The following PHIP variants were observed in gnomAD, a reference collection of about 807,000 sequenced individuals.
PHIP encodes PHIP subunit of CUL4-Ring ligase complex.
Under a neutral mutation model 236.8 loss-of-function variants are expected in PHIP, and 54 were observed. The observed-to-expected ratio is 0.23, with a 90% CI of 0.18 to 0.29. The LOEUF is 0.29. Ranked by LOEUF, PHIP falls within the 10% of genes least tolerant of loss-of-function variation. The probability of loss-of-function intolerance (pLI) is 1.00; values close to 1 mark genes in which losing one functional copy is unlikely to be tolerated. For missense variants in PHIP, 1,370 were observed against 2,190.8 expected, an observed-to-expected ratio of 0.63 and a Z score of 7.48; for synonymous variants, 756 against 718.9, an observed-to-expected ratio of 1.05 and a Z score of -0.83.
At chr6:79,023,412 C>T (rs917053410) in intron 9 of PHIP, among the ~76,000 whole-genome samples, 1 of 151,998 alleles carries the variant, frequency 6.6e-6, no homozygotes, top group African/African-American at 2.4e-5. Context: ...AGTACTCATT[C>T]TTATGCCTGA....
At chr6:79,066,907 AAGGG>A (rs1304245445) in intron 4 of PHIP, among the ~76,000 whole-genome samples, 1 of 152,008 alleles carries the variant, frequency 6.6e-6, no homozygotes, top group African/African-American at 2.4e-5. Context: ...TTTGTTTTTT[AAGGG>A]GGCAGGGGGA....
chr6:78,974,655 A>T (rs957507378), intron 24 of PHIP, among the ~76,000 whole-genome samples: 1 of 152,196 alleles, frequency 6.6e-6, no homozygotes, highest in Non-Finnish European at 1.5e-5. Context: ...AAAAAAGAAG[A>T]ATCAAATAGA....
chr6:79,068,977 AAGTC>A (rs1287942629), intron 4 of PHIP, among the ~76,000 whole-genome samples: 17 of 151,904 alleles, frequency 1.1e-4, no homozygotes, highest in Non-Finnish European at 2.5e-4. Context: ...GGTTCTAAAA[AAGTC>A]AGTTTTTCAG....
chr6:78,970,257 C>G (rs1767440209), intron 25 of PHIP, 84 bp from the exon 26 acceptor site: 3 of 1,218,368 alleles, frequency 2.5e-6, no homozygotes, highest in Non-Finnish European at 3.5e-6. Context: ...GAAAAAACTT[C>G]TTGGTTTAAA....
chr6:79,025,637 GA>G lies in PHIP; in HGVS notation c.823-19del. ...GGTGAGAACTGAAAAGACAATCACAGAAAAAAAATCTTTACAAGAGTGACAC... is the reference window on the plus strand; with the variant it reads ...GGTGAGAACTGAAAAGACAATCACAGAAAAAAATCTTTACAAGAGTGACAC... On this transcript the variant is annotated intron_variant, in intron 8 of 39. Transcript: ENST00000275034. 2.0e-6 allele frequency: 3 copies of G among 1,484,486 alleles called. No individual in the cohort carries two copies. The highest frequency in any genetic ancestry group is 1.4e-5 in the African/African-American group (1 of 71,200). The allele number at this position is 1,484,486 out of a possible 1,614,324, so 92.0% of individuals were successfully genotyped here.
At chr6:79,051,951 C>T (rs945015788) in intron 6 of PHIP, among the ~76,000 whole-genome samples, 2 of 151,668 alleles carry the variant, frequency 1.3e-5, no homozygotes, top group Non-Finnish European at 2.9e-5. Context: ...TTTAATCACT[C>T]AATTTTGAGT....
At chr6:79,024,588 A>G (rs893300304) in intron 9 of PHIP, among the ~76,000 whole-genome samples, 16 of 152,106 alleles carry the variant, frequency 1.1e-4, no homozygotes, top group African/African-American at 2.9e-4. Context: ...GCGGATCACG[A>G]GGTCAGGAGA....
intron 4 of PHIP, among the ~76,000 whole-genome samples, chr6:79,065,025 C>A (rs1773557530): frequency 6.6e-6 from 1 of 152,174 alleles, no homozygotes; most frequent in Non-Finnish European, 1.5e-5. Flanking sequence ...CAAGGAGCTG[C>A]ATTTTGCACA....
Position 78,946,005 on chromosome 6 carries a change from T to C in PHIP, c.4626A>G (p.Lys1542=). 6.2e-7 allele frequency: 1 copy of C among 1,602,434 alleles called. No homozygotes were observed. The highest frequency in any genetic ancestry group is 8.5e-7 in the Non-Finnish European group (1 of 1,169,990). ...AATTTAGAAAGTGAGTCTTACTTGT[T>C]TTCCCTGGTATTGCAGATGCATTAG... is the stretch of plus-strand genomic sequence containing the variant. The part of the protein sequence containing the change: ...TKANASAIPG[K]TILENSVKHS... The change falls in exon 38 of 40, where the codon AAA becomes AAG. Residue 1542 remains lysine, a synonymous_variant. Coordinates refer to ENST00000275034, the MANE Select transcript of PHIP (RefSeq NM_017934.7).
chr6:78,992,768 C>A (rs551201850), intron 19 of PHIP, among the ~76,000 whole-genome samples: 2 of 152,250 alleles, frequency 1.3e-5, no homozygotes, highest in Admixed American at 1.3e-4. Context: ...TAGCCATTGC[C>A]CCATCTTCTC....
intron 7 of PHIP, among the ~76,000 whole-genome samples, chr6:79,036,325 G>A (rs985092212): frequency 1.3e-5 from 2 of 151,946 alleles, no homozygotes; most frequent in African/African-American, 4.8e-5. Flanking sequence ...ATCTCCTCTC[G>A]TATCTTCAAA....
At chr6:78,987,433 T>C (rs1768939413) in intron 21 of PHIP, among the ~76,000 whole-genome samples, 1 of 152,086 alleles carries the variant, frequency 6.6e-6, no homozygotes, top group Non-Finnish European at 1.5e-5. Context: ...CTAACTTAAA[T>C]TGTGGTTAGA....
chr6:79,030,916 T>C (rs1771640321), intron 7 of PHIP, among the ~76,000 whole-genome samples: 1 of 151,964 alleles, frequency 6.6e-6, no homozygotes, highest in South Asian at 2.1e-4. Context: ...ATCACTTGTT[T>C]CATTTTTCTT....
At chr6:79,032,758 G>A (rs879281236) in intron 7 of PHIP, among the ~76,000 whole-genome samples, 2 of 151,360 alleles carry the variant, frequency 1.3e-5, no homozygotes, top group African/African-American at 4.9e-5. Context: ...CAAGAATCAC[G>A]AATGTTCTTA....
In PHIP at chr6:79,077,496, C is replaced by G; in HGVS notation, c.141G>C (p.Arg47=). The change falls in exon 4 of 40, where the codon CGG becomes CGC. Residue 47 remains arginine (R), a synonymous_variant. Transcript: ENST00000275034. ...REVAEKELLP[R]RTDWTGKEHP... Reference sequence around the variant, plus strand: ...GCTCCTTCCCGGTCCAGTCGGTGCGCCGGGGCAGCAGCTGCGGGGAGAGGA... The same window carrying G: ...GCTCCTTCCCGGTCCAGTCGGTGCGGCGGGGCAGCAGCTGCGGGGAGAGGA... 1.3e-6 allele frequency: 2 copies of G among 1,558,634 alleles called. No homozygotes were observed. Among genetic ancestry groups the G allele is most frequent in the South Asian group, 1.1e-5 (1 of 87,546 alleles).
chr6:79,004,444 TCAAA>T (rs1398386217), intron 15 of PHIP: 1 of 981,882 alleles, frequency 1.0e-6, no homozygotes, highest in Non-Finnish European at 1.2e-6. Context: ...AACCTGTCAA[TCAAA>T]CAGAGGTGGC....
At chr6:78,985,286 TAAA>T in intron 22 of PHIP, 63 bp downstream of exon 22, 1 of 696,616 alleles carries the variant, frequency 1.4e-6, no homozygotes, top group African/African-American at 1.9e-5. Context: ...TGTTGCTGGT[TAAA>T]AAAAAAAACA....
At chr6:79,062,436 A>G (rs181785726) in intron 4 of PHIP, among the ~76,000 whole-genome samples, 1 of 152,218 alleles carries the variant, frequency 6.6e-6, no homozygotes, top group Admixed American at 6.5e-5. Context: ...TTAGAAGTCT[A>G]GAATACTTGT....
At chr6:79,062,534 A>G (rs960060849) in intron 4 of PHIP, among the ~76,000 whole-genome samples, 4 of 152,178 alleles carry the variant, frequency 2.6e-5, no homozygotes, top group Admixed American at 1.3e-4. Flanking sequence ...TACTTTAAAG[A>G]AGATGGAAGT....
Sources: allele counts gnomAD v4.1 joint callset (sites outside exome capture counted in the v4.1 genomes callset), GRCh38; gene constraint gnomAD v4.1.1; transcripts MANE v1.5; gene names NCBI Gene and HGNC (gene_info 2026-07-23, HGNC 2026-07-21).